ZNF385D: variants seen among roughly 807,000 people sequenced by gnomAD.
ZNF385D encodes the protein zinc finger protein 385D, also known as zinc finger protein 659.
Under a neutral mutation model 35.8 loss-of-function variants are expected in ZNF385D, and 15 were observed. The observed-to-expected ratio is 0.42, with a 90% CI of 0.28 to 0.64. ZNF385D has a LOEUF of 0.64. ZNF385D is among the 30% of genes least tolerant of loss of function. The pLI is 0.23. For synonymous variants in ZNF385D, 212 were observed against 186.8 expected (o/e 1.13, Z -1.10); for missense variants, 474 against 494.6 (o/e 0.96, Z 0.39).
intron 1 of ZNF385D, among the ~76,000 whole-genome samples, chr3:21,694,106 C>T (rs1220575959): frequency 2.1e-5 from 3 of 141,148 alleles, no homozygotes; most frequent in East Asian, 4.2e-4. Context: ...TACAGTGGCG[C>T]GATCTCGGCT....
chr3:21,590,738 A>G (rs1368395516), intron 2 of ZNF385D, among the ~76,000 whole-genome samples: 1 of 152,128 alleles, frequency 6.6e-6, no homozygotes, highest in Non-Finnish European at 1.5e-5. Flanking sequence ...AATTCCTATA[A>G]TAGCTGTCTA....
intron 2 of ZNF385D, among the ~76,000 whole-genome samples, chr3:21,581,673 T>C (rs1255410257): frequency 1.3e-5 from 2 of 152,226 alleles, no homozygotes; most frequent in South Asian, 4.1e-4. Flanking sequence ...AAGAATTGCA[T>C]TGTTATCTGA....
At chr3:22,024,042 A>C (rs1297439583) in intron 3 of ZNF385D, among the ~76,000 whole-genome samples, 1 of 152,152 alleles carries the variant, frequency 6.6e-6, no homozygotes. Context: ...GTGGACTGGG[A>C]AAGGCAGACC....
chr3:22,317,189 A>G (rs1051636613), intron 2 of ZNF385D, among the ~76,000 whole-genome samples: 1 of 148,054 alleles, frequency 6.8e-6, no homozygotes, highest in Non-Finnish European at 1.5e-5. Context: ...GGGCAGAAGA[A>G]TCACTTGAAC....
intron 2 of ZNF385D, among the ~76,000 whole-genome samples, chr3:22,276,268 T>C (rs1364615480): frequency 6.6e-6 from 1 of 152,090 alleles, no homozygotes; most frequent in Non-Finnish European, 1.5e-5. Context: ...GTTCAGAATA[T>C]GTATGATAAA....
chr3:22,103,613 A>C (rs773388019), intron 3 of ZNF385D, among the ~76,000 whole-genome samples: 10 of 152,082 alleles, frequency 6.6e-5, no homozygotes, highest in Non-Finnish European at 1.2e-4. Context: ...CATCTGAGTG[A>C]CCAACAAAAT....
At chr3:22,223,638 C>T (rs1308138473) in intron 2 of ZNF385D, among the ~76,000 whole-genome samples, 1 of 151,968 alleles carries the variant, frequency 6.6e-6, no homozygotes, top group Non-Finnish European at 1.5e-5. Context: ...TACTATGCAC[C>T]AGCCACTATG....
intron 2 of ZNF385D, among the ~76,000 whole-genome samples, chr3:22,213,575 T>C (rs2125265680): frequency 6.6e-6 from 1 of 152,204 alleles, no homozygotes; most frequent in Non-Finnish European, 1.5e-5. Flanking sequence ...TATGAATCAG[T>C]CTTAGATCCA....
At chr3:22,083,762 C>T (rs1368937853) in intron 3 of ZNF385D, among the ~76,000 whole-genome samples, 1 of 152,114 alleles carries the variant, frequency 6.6e-6, no homozygotes, top group Non-Finnish European at 1.5e-5. Context: ...AGAAGAGCAT[C>T]CCTAAGACAC....
chr3:22,082,568 C>T (rs1700808120), intron 3 of ZNF385D, among the ~76,000 whole-genome samples: 1 of 152,136 alleles, frequency 6.6e-6, no homozygotes, highest in Non-Finnish European at 1.5e-5. Flanking sequence ...CTGGATAGAG[C>T]CCACCACAAC....
At chr3:21,884,244 T>A (rs1304397197) in intron 3 of ZNF385D, among the ~76,000 whole-genome samples, 2 of 152,076 alleles carry the variant, frequency 1.3e-5, no homozygotes, top group African/African-American at 4.8e-5. Flanking sequence ...CAACCCAGAA[T>A]GTTGTTAAAC....
intron 3 of ZNF385D, among the ~76,000 whole-genome samples, chr3:21,969,494 T>G (rs777626795): frequency 6.6e-6 from 1 of 152,156 alleles, no homozygotes; most frequent in Non-Finnish European, 1.5e-5. Context: ...TTAAATCTCT[T>G]TCTTTTATAA....
intron 3 of ZNF385D, among the ~76,000 whole-genome samples, chr3:21,955,094 G>A (rs716237): frequency 0.13 from 20,029 of 152,140 alleles, 1,469 homozygotes; most frequent in Non-Finnish European, 0.16. Context: ...TACAAATGGA[G>A]CATCATTGTG....
intron 3 of ZNF385D, among the ~76,000 whole-genome samples, chr3:21,851,383 C>T (rs550802274): frequency 1.5e-3 from 233 of 152,098 alleles, no homozygotes; most frequent in Non-Finnish European, 2.5e-3. Flanking sequence ...TAAATATACA[C>T]TCAATATATG....
At chr3:21,492,641 A>G (rs1470160137) in intron 4 of ZNF385D, among the ~76,000 whole-genome samples, 1 of 151,788 alleles carries the variant, frequency 6.6e-6, no homozygotes, top group Non-Finnish European at 1.5e-5. Flanking sequence ...AAAATTCGCC[A>G]GGTGTGATGG....
intron 3 of ZNF385D, among the ~76,000 whole-genome samples, chr3:22,062,623 C>T (rs571697110): frequency 8.5e-5 from 13 of 152,294 alleles, no homozygotes; most frequent in South Asian, 4.1e-4. Flanking sequence ...CTGACCCCCT[C>T]GCCCCCAAAG....
chr3:22,132,657 TTAATAG>T (rs1422738515), intron 3 of ZNF385D, among the ~76,000 whole-genome samples: 2 of 152,112 alleles, frequency 1.3e-5, no homozygotes, highest in Non-Finnish European at 2.9e-5. Context: ...GAAACGTTAC[TTAATAG>T]TAATAACAAT....
At chr3:21,981,141 A>G (rs1288515076) in intron 3 of ZNF385D, among the ~76,000 whole-genome samples, 1 of 152,158 alleles carries the variant, frequency 6.6e-6, no homozygotes, top group African/African-American at 2.4e-5. Flanking sequence ...AGGAATCACT[A>G]TGCTGCTTTC....
chr3:21,716,019 T>C (rs1471384860), intron 1 of ZNF385D, among the ~76,000 whole-genome samples: 1 of 152,162 alleles, frequency 6.6e-6, no homozygotes, highest in Non-Finnish European at 1.5e-5. Flanking sequence ...CAACTTTGAA[T>C]AACTTTGAAT....
Sources: allele counts gnomAD v4.1 joint callset (sites outside exome capture counted in the v4.1 genomes callset), GRCh38; gene constraint gnomAD v4.1.1; transcripts MANE v1.5; gene names NCBI Gene and HGNC (gene_info 2026-07-23, HGNC 2026-07-21).